The following OR2L5 variants were observed in gnomAD, a reference collection of about 807,000 sequenced individuals.
OR2L5 encodes olfactory receptor 2L5.
For missense variants in OR2L5, 413 were observed against 381.6 expected, an observed-to-expected ratio of 1.08 and a Z score of -0.69; for synonymous variants, 169 against 142.0, an observed-to-expected ratio of 1.19 and a Z score of -1.35.
intron 1 of OR2L5, among the ~76,000 whole-genome samples, chr1:248,020,898 A>G (rs1462745161): frequency 6.6e-6 from 1 of 151,416 alleles, no homozygotes; most frequent in Non-Finnish European, 1.5e-5. Context: ...TATGGGACCA[A>G]CATGGCACAT....
intron 1 of OR2L5, among the ~76,000 whole-genome samples, chr1:248,016,027 A>G (rs181013993): frequency 1.8e-4 from 27 of 152,310 alleles, no homozygotes; most frequent in African/African-American, 5.8e-4. Flanking sequence ...CGCTCTTCAA[A>G]TCCTGTGATT....
chr1:248,017,199 G>A (rs558088858), intron 1 of OR2L5, among the ~76,000 whole-genome samples: 1 of 152,164 alleles, frequency 6.6e-6, no homozygotes, highest in Admixed American at 6.5e-5. Flanking sequence ...GTTTTTAAAT[G>A]GGCTTAAAAT....
chr1:248,023,202 T>C lies in OR2L5; in HGVS notation c.*316T>C, dbSNP rs995486106. 1.7e-5 allele frequency: 3 copies of C among 175,394 alleles called. No homozygotes were observed. The highest frequency in any genetic ancestry group is 7.1e-5 in the African/African-American group (3 of 42,186). 10.9% of individuals were successfully genotyped at this position (175,394 alleles called of 1,614,324 possible). On this transcript the variant is annotated 3_prime_UTR_variant, in exon 2 of 2. Transcript: ENST00000355281. ...ATCATTCAGCATAATAGTTATATGT[T>C]AATTGTTTCCCATTATTATTAAAAT...
intron 1 of OR2L5, among the ~76,000 whole-genome samples, chr1:248,020,740 A>G (rs915703054): frequency 2.6e-5 from 4 of 152,090 alleles, no homozygotes; most frequent in African/African-American, 9.7e-5. Flanking sequence ...TGACTTAGAG[A>G]AAGTTTGACT....
chr1:248,022,248 T>C lies in OR2L5; in HGVS notation c.301T>C (p.Phe101Leu), dbSNP rs1226788173. Residue 101 changes from phenylalanine (F) to leucine (L), a missense_variant, in exon 2 of 2, where the codon TTC becomes CTC. Coordinates refer to ENST00000355281, the MANE Select transcript of OR2L5 (RefSeq NM_001258284.2). ...CTTCATTGGGTGTGGGATTCAGAGTTTCTTCTTCATGACTTTTGCAGGTGC... is the reference window on the plus strand; with the variant it reads ...CTTCATTGGGTGTGGGATTCAGAGTCTCTTCTTCATGACTTTTGCAGGTGC... ...ISFIGCGIQS[F>L]FFMTFAGAEA... 6.2e-7 allele frequency: 1 copy of C among 1,613,574 alleles called. No individual in the cohort carries two copies. Among genetic ancestry groups the C allele is most frequent in the Non-Finnish European group, 8.5e-7 (1 of 1,179,998 alleles).
intron 1 of OR2L5, among the ~76,000 whole-genome samples, chr1:248,018,164 A>AC (rs1245423301): frequency 6.6e-6 from 1 of 151,510 alleles, no homozygotes; most frequent in African/African-American, 2.4e-5. Context: ...AAAAAATAAA[A>AC]AAAAAAATTC....
At chr1:248,018,099 G>C (rs1341565552) in intron 1 of OR2L5, among the ~76,000 whole-genome samples, 2 of 148,120 alleles carry the variant, frequency 1.4e-5, no homozygotes, top group South Asian at 4.3e-4. Context: ...AGCTTGCAGT[G>C]AGCCGAGATC....
chr1:248,015,850 A>C (rs150843420), intron 1 of OR2L5, among the ~76,000 whole-genome samples: 29 of 152,316 alleles, frequency 1.9e-4, no homozygotes, highest in African/African-American at 6.3e-4. Flanking sequence ...CATATTTTGT[A>C]ATGAATAATG....
Position 248,022,117 on chromosome 1 carries a change from C to A in OR2L5, c.170C>A (p.Pro57His). ...TTCTTGGACACCCATCTCCACACAC[C>A]CATGTATTTCCTGCTTAGTCAGCTC... is the stretch of plus-strand genomic sequence containing the variant. Reference protein sequence around the residue: ...LIFLDTHLHTPMYFLLSQLSL... With the variant: ...LIFLDTHLHTHMYFLLSQLSL... Residue 57 changes from proline to histidine, a missense_variant, in exon 2 of 2, where the codon CCC (proline) becomes CAC (histidine). By Grantham distance (77) the Pro-to-His change is moderately conservative. Coordinates refer to ENST00000355281, the MANE Select transcript of OR2L5 (RefSeq NM_001258284.2). 1 of 1,613,908 alleles carries A rather than the reference C, an allele frequency of 6.2e-7. No individual in the cohort carries two copies. Among genetic ancestry groups the A allele is most frequent in the Non-Finnish European group, 8.5e-7 (1 of 1,179,864 alleles).
intron 1 of OR2L5, among the ~76,000 whole-genome samples, chr1:248,018,024 G>A (rs1193248045): frequency 6.6e-6 from 1 of 151,934 alleles, no homozygotes. Context: ...GCGTGGTGGT[G>A]GGCCCCTGTA....
chr1:248,019,734 TTCCTTCTCCTTC>T (rs79148635), intron 1 of OR2L5, among the ~76,000 whole-genome samples: 2 of 151,060 alleles, frequency 1.3e-5, no homozygotes, highest in African/African-American at 2.4e-5. Context: ...TCCTCCTTCC[TTCCTTCTCCTTC>T]TCCTTCTCCT....
chr1:248,016,582 AG>A (rs1384948188), intron 1 of OR2L5, among the ~76,000 whole-genome samples: 1 of 152,104 alleles, frequency 6.6e-6, no homozygotes, highest in African/African-American at 2.4e-5. Context: ...TATGTATTTC[AG>A]TAAATTTAAC....
At chr1:248,021,795 G>A (rs1311498575) in intron 1 of OR2L5, 132 bp from the exon 2 acceptor site, 1 of 540,082 alleles carries the variant, frequency 1.9e-6, no homozygotes, top group Non-Finnish European at 3.3e-6. Flanking sequence ...ACATATTGAT[G>A]GATATAAAAA....
In OR2L5 at chr1:248,021,976, A is replaced by C; in HGVS notation, c.29A>C (p.Asp10Ala). 1 of 1,613,516 alleles carries C rather than the reference A, an allele frequency of 6.2e-7. No homozygotes were observed. Among genetic ancestry groups the C allele is most frequent in the Non-Finnish European group, 8.5e-7 (1 of 1,179,696 alleles). Residue 10 changes from aspartate (D) to alanine (A), a missense_variant, in exon 2 of 2, where the codon GAT becomes GCT. Physicochemically the swap from Asp to Ala is moderately radical, Grantham distance 126. Transcript: ENST00000355281. MENYNQTST[D>A]FILLGLFPPS... ...GAAAATTACAATCAAACGTCAACTGATTTCATCTTATTGGGGCTGTTCCCA... is the reference window on the plus strand; with the variant it reads ...GAAAATTACAATCAAACGTCAACTGCTTTCATCTTATTGGGGCTGTTCCCA...
At chr1:248,014,345 C>A (rs1662141197) in intron 1 of OR2L5, among the ~76,000 whole-genome samples, 1 of 151,998 alleles carries the variant, frequency 6.6e-6, no homozygotes, top group Non-Finnish European at 1.5e-5. Flanking sequence ...AAATAAAGGA[C>A]CCTCTTCTGG....
At position 248,022,074 on chromosome 1, in the gene OR2L5, T is replaced by C. The variant is rs1662350543; in HGVS notation, c.127T>C (p.Ser43Pro). 8 of 1,613,830 alleles carry C rather than the reference T, an allele frequency of 5.0e-6. No homozygotes were observed. The highest frequency in any genetic ancestry group is 1.3e-5 in the African/African-American group (1 of 74,932). ...IFLMALIGNLSMILLIFLDTH... is the reference protein window; with the variant it reads ...IFLMALIGNLPMILLIFLDTH... ...CCTAATGGCTCTAATTGGAAACCTA[T>C]CCATGATTCTTCTCATCTTCTTGGA... Residue 43 changes from serine (S) to proline (P), a missense_variant, in exon 2 of 2, where the codon TCC (serine) becomes CCC (proline). By Grantham distance (74) the Ser-to-Pro change is moderately conservative. Coordinates refer to ENST00000355281, the MANE Select transcript of OR2L5 (RefSeq NM_001258284.2).
intron 1 of OR2L5, among the ~76,000 whole-genome samples, chr1:248,017,795 A>G (rs67817657): frequency 0.31 from 47,338 of 151,986 alleles, 12,090 homozygotes; most frequent in African/African-American, 0.71. Flanking sequence ...TTGCTTCGTG[A>G]TTCCGTCTCT....
Position 248,022,647 on chromosome 1 carries a change from A to G in OR2L5, c.700A>G (p.Lys234Glu), listed in dbSNP as rs1295862172. Residue 234 changes from lysine to glutamate, a missense_variant, in exon 2 of 2, where the codon AAA becomes GAA. Physicochemically the swap from Lys to Glu is moderately conservative, Grantham distance 56 (BLOSUM62 1). Transcript: ENST00000355281. Reference protein sequence around the residue: ...VYRMHSAEGRKKAYSTCSTHL... With the variant: ...VYRMHSAEGREKAYSTCSTHL... ...CCGCATGCACTCTGCAGAAGGGAGG[A>G]AAAAGGCCTATTCGACCTGCAGCAC... 11 of 1,613,846 alleles carry G rather than the reference A, an allele frequency of 6.8e-6. No individual in the cohort carries two copies. The highest frequency in any genetic ancestry group is 4.5e-5 in the East Asian group (2 of 44,894).
At chr1:248,017,042 G>T (rs112293391) in intron 1 of OR2L5, among the ~76,000 whole-genome samples, 26 of 152,184 alleles carry the variant, frequency 1.7e-4, no homozygotes, top group African/African-American at 5.5e-4. Context: ...ATGCCTCCCG[G>T]GTTGAAGTTT....
Sources: allele counts gnomAD v4.1 joint callset (sites outside exome capture counted in the v4.1 genomes callset), GRCh38; gene constraint gnomAD v4.1.1; transcripts MANE v1.5; gene names NCBI Gene and HGNC (gene_info 2026-07-23, HGNC 2026-07-21).